FHIT: variants seen among roughly 807,000 people sequenced by gnomAD.
FHIT encodes bis(5'-adenosyl)-triphosphatase.
Under a neutral mutation model 17.9 loss-of-function variants are expected in FHIT, and 19 were observed. The ratio of observed to expected loss-of-function variants is 1.06; its 90% CI spans 0.74 to 1.56. The LOEUF (loss-of-function observed/expected upper bound fraction) is 1.56. Ranked by LOEUF, FHIT falls within the 40% of genes most tolerant of loss-of-function variation. FHIT has a pLI of 0.00. For missense variants in FHIT, 248 were observed against 189.2 expected (o/e 1.31, Z -1.82); for synonymous variants, 81 against 69.7 (o/e 1.16, Z -0.81).
chr3:61,071,768 G>T (rs544479677), intron 2 of FHIT, among the ~76,000 whole-genome samples: 18 of 151,890 alleles, frequency 1.2e-4, no homozygotes, highest in Non-Finnish European at 2.5e-4. Context: ...TATAAGCAGG[G>T]TGTGTGTGTT....
At chr3:60,539,483 C>T (rs1265692950) in intron 4 of FHIT, among the ~76,000 whole-genome samples, 2 of 152,188 alleles carry the variant, frequency 1.3e-5, no homozygotes, top group East Asian at 3.9e-4. Flanking sequence ...GCTATAAAGA[C>T]ACATGCACAC....
intron 5 of FHIT, among the ~76,000 whole-genome samples, chr3:60,267,780 T>C (rs1028076158): frequency 2.0e-5 from 3 of 152,232 alleles, no homozygotes; most frequent in Non-Finnish European, 4.4e-5. Context: ...TCTGGAATTA[T>C]ATTTTTTCTA....
At chr3:60,662,336 G>A (rs2156968) in intron 4 of FHIT, among the ~76,000 whole-genome samples, 37,962 of 151,976 alleles carry the variant, frequency 0.25, 5,462 homozygotes, top group East Asian at 0.7. Context: ...CTTTGTTGAC[G>A]ATTGGTTGGC....
intron 3 of FHIT, among the ~76,000 whole-genome samples, chr3:60,971,239 G>C (rs909945435): frequency 9.2e-5 from 14 of 152,116 alleles, no homozygotes; most frequent in Non-Finnish European, 1.2e-4. Context: ...GCATGGTGGT[G>C]TGTGCCTGTA....
intron 4 of FHIT, among the ~76,000 whole-genome samples, chr3:60,640,626 T>C (rs1326938223): frequency 6.6e-6 from 1 of 152,074 alleles, no homozygotes; most frequent in Non-Finnish European, 1.5e-5. Flanking sequence ...TGAGAGAAAT[T>C]AAAGAAAATC....
intron 5 of FHIT, among the ~76,000 whole-genome samples, chr3:60,302,707 C>A (rs1032603056): frequency 6.6e-6 from 1 of 152,284 alleles, no homozygotes; most frequent in Admixed American, 6.5e-5. Flanking sequence ...ACGTCTAACA[C>A]ATATACCTGA....
At chr3:59,974,499 T>G (rs1390835396) in intron 7 of FHIT, among the ~76,000 whole-genome samples, 3 of 152,140 alleles carry the variant, frequency 2.0e-5, no homozygotes, top group African/African-American at 4.8e-5. Context: ...TCACCAAGCA[T>G]GAGAAACAAA....
At chr3:60,388,947 T>C (rs1701119337) in intron 5 of FHIT, among the ~76,000 whole-genome samples, 1 of 152,150 alleles carries the variant, frequency 6.6e-6, no homozygotes, top group African/African-American at 2.4e-5. Context: ...GCCCACATTC[T>C]TAGAACACAC....
At chr3:60,448,586 G>T (rs2031503269) in intron 5 of FHIT, among the ~76,000 whole-genome samples, 1 of 152,150 alleles carries the variant, frequency 6.6e-6, no homozygotes, top group Non-Finnish European at 1.5e-5. Context: ...AGTCAAGGTA[G>T]TAAGCAGAGA....
chr3:61,164,497 T>G (rs922466468), intron 2 of FHIT, among the ~76,000 whole-genome samples: 2 of 152,180 alleles, frequency 1.3e-5, no homozygotes, highest in African/African-American at 2.4e-5. Flanking sequence ...TCAACAAAGA[T>G]GGAATCACCA....
intron 5 of FHIT, among the ~76,000 whole-genome samples, chr3:60,057,735 C>A (rs1200189497): frequency 6.6e-6 from 1 of 151,814 alleles, no homozygotes; most frequent in African/African-American, 2.4e-5. Context: ...CTCACCAGAT[C>A]ACCACATTTT....
At chr3:60,056,636 G>A (rs564323626) in intron 5 of FHIT, among the ~76,000 whole-genome samples, 4 of 152,254 alleles carry the variant, frequency 2.6e-5, no homozygotes, top group South Asian at 2.1e-4. Context: ...TGCCACCACC[G>A]GTCTCCATGT....
At chr3:60,359,563 G>A (rs1699817650) in intron 5 of FHIT, among the ~76,000 whole-genome samples, 1 of 152,166 alleles carries the variant, frequency 6.6e-6, no homozygotes, top group African/African-American at 2.4e-5. Context: ...ACAGGCGTGA[G>A]CCACTGTGCC....
chr3:59,816,392 A>G (rs1700601023), intron 8 of FHIT, among the ~76,000 whole-genome samples: 1 of 152,190 alleles, frequency 6.6e-6, no homozygotes, highest in African/African-American at 2.4e-5. Context: ...CAACAATCAC[A>G]GTGAGTTTGG....
At chr3:59,804,967 G>A (rs1379243626) in intron 8 of FHIT, among the ~76,000 whole-genome samples, 2 of 152,160 alleles carry the variant, frequency 1.3e-5, no homozygotes, top group Non-Finnish European at 1.5e-5. Flanking sequence ...GTATTGGAGT[G>A]CTCTAATCTT....
Position 60,444,492 on chromosome 3 carries a change from T to C in FHIT, c.103+92368A>G, listed in dbSNP as rs563607271. 3.0e-4 allele frequency among the ~76,000 whole-genome samples: 45 copies of C among 152,204 alleles called. 1 individual carries two copies. Among genetic ancestry groups the C allele is most frequent in the African/African-American group, 5.3e-4 (22 of 41,548 alleles). ...GGATTAAGAAAATGTGGCATATATATACCATGGAATACTATGCAGCCATAA... is the reference window on the plus strand; with the variant it reads ...GGATTAAGAAAATGTGGCATATATACACCATGGAATACTATGCAGCCATAA... On this transcript the variant is annotated intron_variant, in intron 5 of 9. Coordinates refer to ENST00000492590, the MANE Select transcript of FHIT (RefSeq NM_002012.4).
At chr3:60,673,863 G>C (rs1159079972) in intron 4 of FHIT, among the ~76,000 whole-genome samples, 1 of 151,902 alleles carries the variant, frequency 6.6e-6, no homozygotes, top group Non-Finnish European at 1.5e-5. Flanking sequence ...TTATCAGTTG[G>C]CCGTCATACA....
chr3:60,032,999 C>G (rs1170724501), intron 5 of FHIT, among the ~76,000 whole-genome samples: 1 of 152,120 alleles, frequency 6.6e-6, no homozygotes, highest in Non-Finnish European at 1.5e-5. Context: ...TACTATAGAA[C>G]AGTCTACAGG....
chr3:60,955,606 A>ACATATATT (rs1559862189), intron 3 of FHIT, among the ~76,000 whole-genome samples: 1 of 7,118 alleles, frequency 1.4e-4, no homozygotes, highest in Admixed American at 4.1e-3. Flanking sequence ...ACATATATAT[A>ACATATATT]TATATATATA....
Sources: allele counts gnomAD v4.1 joint callset (sites outside exome capture counted in the v4.1 genomes callset), GRCh38; gene constraint gnomAD v4.1.1; transcripts MANE v1.5; gene names NCBI Gene and HGNC (gene_info 2026-07-23, HGNC 2026-07-21).